The following SKOR1 variants were observed in gnomAD, a reference collection of about 807,000 sequenced individuals.
SKOR1 encodes the protein SKI family transcriptional corepressor 1, also known as LBX1 corepressor 1.
Under a neutral mutation model 72.4 loss-of-function variants are expected in SKOR1, and 38 were observed. The observed-to-expected ratio is 0.52, with a 90% confidence interval of 0.40 to 0.69. The LOEUF is 0.69. Among genes scored for constraint, SKOR1 ranks in the 30% least tolerant of loss-of-function variants. The probability of loss-of-function intolerance (pLI) is 0.00; values close to 1 mark genes in which losing one functional copy is unlikely to be tolerated. For missense variants in SKOR1, 1,320 were observed against 1,343.2 expected (o/e 0.98, Z 0.27); for synonymous variants, 642 against 599.4 (o/e 1.07, Z -1.04).
rs886562004 is a variant in SKOR1, at chr15:67,826,948, G to T, written c.1120G>T (p.Val374Leu). Reference sequence around the variant, plus strand: ...CGGCGCCGGCGTACGAAGCTACCCGGTGATCCCGGTGCCCAGCAAAGGCTT... The same window carrying T: ...CGGCGCCGGCGTACGAAGCTACCCGTTGATCCCGGTGCCCAGCAAAGGCTT... ...GGGAGVRSYPVIPVPSKGFGL... is the reference protein window; with the variant it reads ...GGGAGVRSYPLIPVPSKGFGL... Residue 374 changes from valine (V) to leucine (L), a missense_variant, in exon 2 of 9, where the codon GTG (valine) becomes TTG (leucine). Transcript: ENST00000380035. 1.3e-6 allele frequency: 2 copies of T among 1,590,888 alleles called. No individual in the cohort carries two copies. Among genetic ancestry groups the T allele is most frequent in the Admixed American group, 1.7e-5 (1 of 59,594 alleles).
chr15:67,828,167 C>A, intron 2 of SKOR1, 23 bp downstream of exon 2: 1 of 1,420,172 alleles, frequency 7.0e-7, no homozygotes, highest in South Asian at 1.5e-5. Flanking sequence ...CCCGCCCCGC[C>A]AGTGGCGCCT....
chr15:67,826,086 C>T lies in SKOR1; in HGVS notation c.258C>T (p.Pro86=). 1.9e-6 allele frequency: 3 copies of T among 1,599,808 alleles called. No homozygotes were observed. The highest frequency in any genetic ancestry group is 2.6e-6 in the Non-Finnish European group (3 of 1,170,394). The change falls in exon 2 of 9, where the codon CCC becomes CCT. Residue 86 remains proline (P), a synonymous_variant. Transcript: ENST00000380035. ...QVGETSLYGV[P]IVSLVIDGQE... ...GCGAGACGTCGCTGTACGGGGTGCC[C>T]ATTGTGTCGCTGGTCATCGACGGCC... is the stretch of plus-strand genomic sequence containing the variant.
chr15:67,830,955 GGTGTT>G, intron 5 of SKOR1, 66 bp downstream of exon 5: 1 of 1,510,568 alleles, frequency 6.6e-7, no homozygotes, highest in Non-Finnish European at 9.2e-7. Flanking sequence ...CCTGTAGAGG[GGTGTT>G]ATCCCTGTAG....
At position 67,834,418 on chromosome 15, in the gene SKOR1, T is replaced by C. The variant is rs1448951418; in HGVS notation, c.*582T>C. On this transcript the variant is annotated 3_prime_UTR_variant, in exon 9 of 9. Transcript: ENST00000380035. This position sits in a 1 kb window ranked among gnomAD's most constrained non-coding sequence, Gnocchi z 5.8. ...ATTCCCCTTTGGATTTTGCTTTGGC[T>C]ATTTTTTGTTGTAACCTCTTGATGT... The C allele has an allele frequency of 6.3e-6, 1 of 158,740 alleles. No individual in the cohort carries two copies. Among genetic ancestry groups the C allele is most frequent in the East Asian group, 1.8e-4 (1 of 5,656 alleles). 9.8% of individuals were successfully genotyped at this position (158,740 alleles called of 1,614,324 possible).
chr15:67,828,164 C>A lies in SKOR1; in HGVS notation c.2316+20C>A. ...GCCAAGGTGAGCCCCGCGCCCGCCCCGCCAGTGGCGCCTTCCCACCTACCC... is the reference window on the plus strand; with the variant it reads ...GCCAAGGTGAGCCCCGCGCCCGCCCAGCCAGTGGCGCCTTCCCACCTACCC... On this transcript the variant is annotated intron_variant, in intron 2 of 8. Coordinates refer to ENST00000380035, the MANE Select transcript of SKOR1 (RefSeq NM_001365915.1). 3 of 1,420,050 alleles carry A rather than the reference C, an allele frequency of 2.1e-6. No homozygotes were observed. Among genetic ancestry groups the A allele is most frequent in the South Asian group, 3.0e-5 (2 of 66,208 alleles). The allele number at this position is 1,420,050 out of a possible 1,614,324, so 88.0% of individuals were successfully genotyped here.
chr15:67,826,658 A>G lies in SKOR1; in HGVS notation c.830A>G (p.Lys277Arg). The change falls in exon 2 of 9, where the codon AAG becomes AGG. Residue 277 changes from lysine to arginine, a missense_variant. Physicochemically the swap from Lys to Arg is conservative, Grantham distance 26. Around this residue, in one of 3 missense-constraint regions of SKOR1, gnomAD observed 1,099 missense variants for 1,025.5 expected, o/e 1.07. Coordinates refer to ENST00000380035, the MANE Select transcript of SKOR1 (RefSeq NM_001365915.1). Reference sequence around the variant, plus strand: ...GCCATGTTTAATGGCGGCACGCGCAAGCGGACCTTCTCCCTACAAGGAGGC... The same window carrying G: ...GCCATGTTTAATGGCGGCACGCGCAGGCGGACCTTCTCCCTACAAGGAGGC... Reference protein sequence around the residue: ...VKAMFNGGTRKRTFSLQGGGG... With the variant: ...VKAMFNGGTRRRTFSLQGGGG... The G allele has an allele frequency of 1.2e-6, 2 of 1,605,144 alleles. No homozygotes were observed. The highest frequency in any genetic ancestry group is 8.5e-7 in the Non-Finnish European group (1 of 1,175,904).
Position 67,827,798 on chromosome 15 carries a change from A to G in SKOR1, c.1970A>G (p.Asp657Gly), listed in dbSNP as rs2090975689. 5 of 1,574,212 alleles carry G rather than the reference A, an allele frequency of 3.2e-6. No individual in the cohort carries two copies. Among genetic ancestry groups the G allele is most frequent in the Non-Finnish European group, 4.3e-6 (5 of 1,160,052 alleles). The change falls in exon 2 of 9, where the codon GAC becomes GGC. Residue 657 changes from aspartate to glycine, a missense_variant. Coordinates refer to ENST00000380035, the MANE Select transcript of SKOR1 (RefSeq NM_001365915.1). The part of the protein sequence containing the change: ...NSASPDVDTA[D>G]EPEVDVESNR... Reference sequence around the variant, plus strand: ...GCCTCGCCCGACGTGGACACCGCGGACGAGCCCGAGGTGGACGTGGAATCC... The same window carrying G: ...GCCTCGCCCGACGTGGACACCGCGGGCGAGCCCGAGGTGGACGTGGAATCC...
In SKOR1 at chr15:67,834,102, ACCT is replaced by A; in HGVS notation, c.*268_*270del. On this transcript the variant is annotated 3_prime_UTR_variant, in exon 9 of 9. Transcript: ENST00000380035. The surrounding 1 kb of genome is among the most constrained non-coding windows in gnomAD (Gnocchi z 5.8). The stretch of plus-strand genomic sequence containing the variant: ...CCCCGTGTGAACTCTAGGGCATCGG[ACCT>A]CAAGGGGTTAACTGGACAGACGGGG... The A allele has an allele frequency of 1.9e-6, 1 of 528,374 alleles. No individual in the cohort carries two copies. The highest frequency in any genetic ancestry group is 3.4e-6 in the Non-Finnish European group (1 of 289,856). The allele number at this position is 528,374 out of a possible 1,614,324, so 32.7% of individuals were successfully genotyped here.
Position 67,829,625 on chromosome 15 carries a change from G to T in SKOR1, c.2407+356G>T, listed in dbSNP as rs1044698643. On this transcript the variant is annotated intron_variant, in intron 3 of 8. Coordinates refer to ENST00000380035, the MANE Select transcript of SKOR1 (RefSeq NM_001365915.1). The stretch of plus-strand genomic sequence containing the variant: ...TCCCCTTTGGCTAGGCCGGATCGGG[G>T]CGGAGGATGGGGGCACATGGCCGCG... Among the ~76,000 whole-genome samples, 5 of 152,354 alleles carry T rather than the reference G, an allele frequency of 3.3e-5. No homozygotes were observed. The East Asian group carries it at 5.8e-4, about 18-fold the overall frequency.
chr15:67,833,808 G>A lies in SKOR1; in HGVS notation c.2870G>A (p.Cys957Tyr). The A allele has an allele frequency of 6.2e-7, 1 of 1,612,034 alleles. No homozygotes were observed. Among genetic ancestry groups the A allele is most frequent in the Non-Finnish European group, 8.5e-7 (1 of 1,180,034 alleles). ...MLTPRHCTGN[C>Y]SFKPPLLP Reference sequence around the variant, plus strand: ...ACGCCCCGCCACTGCACTGGCAACTGCTCCTTCAAGCCACCGCTGTTGCCC... The same window carrying A: ...ACGCCCCGCCACTGCACTGGCAACTACTCCTTCAAGCCACCGCTGTTGCCC... Residue 957 changes from cysteine (C) to tyrosine (Y), a missense_variant, in exon 9 of 9, where the codon TGC becomes TAC. Around this residue, in one of 3 missense-constraint regions of SKOR1, gnomAD observed 1,099 missense variants for 1,025.5 expected, o/e 1.07. Coordinates refer to ENST00000380035, the MANE Select transcript of SKOR1 (RefSeq NM_001365915.1). This position sits in a 1 kb window ranked among gnomAD's most constrained non-coding sequence, Gnocchi z 6.0.
At position 67,832,464 on chromosome 15, in the gene SKOR1, C is replaced by T; in HGVS notation, c.2662+116C>T. ...CTGGTACTAGGTGCCCTGCAGGAGA[C>T]AAGAAACTGTCCTTTTCCAGGGCTG... On this transcript the variant is annotated intron_variant, in intron 6 of 8. Transcript: ENST00000380035. This position sits in a 1 kb window ranked among gnomAD's most constrained non-coding sequence, Gnocchi z 4.5. The T allele has an allele frequency of 7.4e-7, 1 of 1,349,464 alleles. No individual in the cohort carries two copies. Among genetic ancestry groups the T allele is most frequent in the Non-Finnish European group, 1.0e-6 (1 of 953,358 alleles). The allele number at this position is 1,349,464 out of a possible 1,614,324, so 83.6% of individuals were successfully genotyped here.
At chr15:67,830,332 G>A (rs771904297) in intron 4 of SKOR1, 34 bp downstream of exon 4, 2 of 1,596,370 alleles carry the variant, frequency 1.3e-6, no homozygotes, top group East Asian at 2.2e-5. Context: ...GCTCTCCACC[G>A]CACCCAGGAG....
At position 67,830,782 on chromosome 15, in the gene SKOR1, A is replaced by G. The variant is rs759922502; in HGVS notation, c.2516-36A>G. The G allele has an allele frequency of 1.9e-6, 3 of 1,608,978 alleles. No individual in the cohort carries two copies. The Admixed American group carries it at 5.0e-5, about 27-fold the overall frequency. On this transcript the variant is annotated intron_variant, in intron 4 of 8. Transcript: ENST00000380035. ...CCCCTCCCCTCTCAAGGGCTTTCCT[A>G]GGACAGAACCCCTCTTACCTGCCCC...
At position 67,827,542 on chromosome 15, in the gene SKOR1, C is replaced by T. The variant is rs1438193763; in HGVS notation, c.1714C>T (p.Pro572Ser). 3 of 1,521,064 alleles carry T rather than the reference C, an allele frequency of 2.0e-6. No individual in the cohort carries two copies. Among genetic ancestry groups the T allele is most frequent in the Non-Finnish European group, 1.8e-6 (2 of 1,141,314 alleles). 94.2% of individuals were successfully genotyped at this position (1,521,064 alleles called of 1,614,324 possible). Residue 572 changes from proline to serine, a missense_variant, in exon 2 of 9, where the codon CCA becomes TCA. Pro to Ser is a moderately conservative substitution (Grantham distance 74). This residue lies in a region of SKOR1 where 1,099 missense variants were observed against 1,025.5 expected (regional missense o/e 1.07). Coordinates refer to ENST00000380035, the MANE Select transcript of SKOR1 (RefSeq NM_001365915.1). Reference protein sequence around the residue: ...LDEDGTDEALPPPLAPLPPPP... With the variant: ...LDEDGTDEALSPPLAPLPPPP... Reference sequence around the variant, plus strand: ...CGAAGACGGCACGGACGAGGCGCTGCCACCGCCCCTGGCCCCGTTGCCCCC... The same window carrying T: ...CGAAGACGGCACGGACGAGGCGCTGTCACCGCCCCTGGCCCCGTTGCCCCC...
chr15:67,828,939 C>T (rs973106086), intron 2 of SKOR1, among the ~76,000 whole-genome samples: 2 of 152,192 alleles, frequency 1.3e-5, no homozygotes, highest in African/African-American at 4.8e-5. Context: ...CTTTGAACGC[C>T]CCTCGGCTTG....
In SKOR1 at chr15:67,827,312, C is replaced by A; in HGVS notation, c.1484C>A (p.Ala495Glu). The change falls in exon 2 of 9, where the codon GCA (alanine) becomes GAA (glutamate). Residue 495 changes from alanine (A) to glutamate (E), a missense_variant. This residue lies in a region of SKOR1 where 1,099 missense variants were observed against 1,025.5 expected (regional missense o/e 1.07). Coordinates refer to ENST00000380035, the MANE Select transcript of SKOR1 (RefSeq NM_001365915.1). ...ACGTTTCCCATGTTCTGGCCAGCAG[C>A]AGGCAGCCTCCCGGTACCGTCCTAC... ...YPTFPMFWPAAGSLPVPSYPA... is the reference protein window; with the variant it reads ...YPTFPMFWPAEGSLPVPSYPA... The A allele has an allele frequency of 6.3e-7, 1 of 1,591,196 alleles. No homozygotes were observed. Among genetic ancestry groups the A allele is most frequent in the Non-Finnish European group, 8.5e-7 (1 of 1,176,242 alleles).
At position 67,830,323 on chromosome 15, in the gene SKOR1, C is replaced by T. The variant is rs907778901; in HGVS notation, c.2515+25C>T. On this transcript the variant is annotated intron_variant, in intron 4 of 8. Coordinates refer to ENST00000380035, the MANE Select transcript of SKOR1 (RefSeq NM_001365915.1). ...GGTGAGCCAGCCCTTGAACCCATCG[C>T]TCTCCACCGCACCCAGGAGCTGGGA... 3.7e-6 allele frequency: 6 copies of T among 1,606,072 alleles called. No individual in the cohort carries two copies. The African/African-American group carries it at 8.0e-5, about 21-fold the overall frequency.
At chr15:67,830,384 AG>A in intron 4 of SKOR1, 86 bp downstream of exon 4, 2 of 1,160,822 alleles carry the variant, frequency 1.7e-6, no homozygotes, top group Non-Finnish European at 2.6e-6. Flanking sequence ...CTTGCGAGAA[AG>A]GCTTTTAATC....
In SKOR1 at chr15:67,827,822, C is replaced by G; in HGVS notation, c.1994C>G (p.Ser665Cys). 6.3e-7 allele frequency: 1 copy of G among 1,589,150 alleles called. No individual in the cohort carries two copies. Among genetic ancestry groups the G allele is most frequent in the Non-Finnish European group, 8.6e-7 (1 of 1,168,482 alleles). The change falls in exon 2 of 9, where the codon TCC becomes TGC. Residue 665 changes from serine to cysteine, a missense_variant. Around this residue, in one of 3 missense-constraint regions of SKOR1, gnomAD observed 1,099 missense variants for 1,025.5 expected, o/e 1.07. Transcript: ENST00000380035. ...TADEPEVDVE[S>C]NRFPDDEDAQ... Reference sequence around the variant, plus strand: ...GACGAGCCCGAGGTGGACGTGGAATCCAACCGCTTCCCCGACGACGAGGAC... The same window carrying G: ...GACGAGCCCGAGGTGGACGTGGAATGCAACCGCTTCCCCGACGACGAGGAC...
Sources: gnomAD v4.1 joint callset for allele counts (sites outside exome capture counted in the v4.1 genomes callset) on GRCh38, gnomAD v4.1.1 for gene constraint, gnomAD v4.1.1 regional missense constraint, Gnocchi (gnomAD v3.1) non-coding constraint, MANE v1.5 for transcripts, NCBI Gene and HGNC (gene_info 2026-07-23, HGNC 2026-07-21) for gene names.